C8orf34: variants seen among roughly 807,000 people sequenced by gnomAD.
C8orf34 encodes the protein chromosome 8 open reading frame 34, also known as uncharacterized protein C8orf34.
C8orf34 carries 65 observed loss-of-function variants against 68.3 expected under a neutral mutation model. The observed-to-expected ratio is 0.95, with a 90% CI of 0.78 to 1.17. The LOEUF is 1.17. Ranked by LOEUF, C8orf34 falls within the 50% of genes most tolerant of loss-of-function variation. C8orf34 has a pLI of 0.00. For missense variants in C8orf34, 664 were observed against 655.4 expected (o/e 1.01, Z -0.14); for synonymous variants, 244 against 241.2 (o/e 1.01, Z -0.11).
chr8:68,676,708 T>G (rs1820202140), intron 8 of C8orf34, among the ~76,000 whole-genome samples: 1 of 152,212 alleles, frequency 6.6e-6, no homozygotes, highest in African/African-American at 2.4e-5. Context: ...ATCAAGTATC[T>G]TCTCTGACTT....
intron 4 of C8orf34, among the ~76,000 whole-genome samples, chr8:68,483,509 A>G (rs1244078667): frequency 6.6e-6 from 1 of 152,184 alleles, no homozygotes; most frequent in East Asian, 1.9e-4. Context: ...GATATGTAGG[A>G]CAACTGAAGT....
intron 7 of C8orf34, among the ~76,000 whole-genome samples, chr8:68,636,411 T>TAAA (rs71253099): frequency 2.8e-5 from 4 of 141,904 alleles, no homozygotes; most frequent in Admixed American, 7.1e-5. Context: ...CTGCCTCTAC[T>TAAA]AAAAAAAAAA....
At chr8:68,361,778 G>A (rs1563377029) in intron 1 of C8orf34, among the ~76,000 whole-genome samples, 2 of 152,136 alleles carry the variant, frequency 1.3e-5, no homozygotes, top group Non-Finnish European at 2.9e-5. Flanking sequence ...ATTTAACTGA[G>A]TACTTGTTGG....
chr8:68,737,840 A>C (rs1822165685), intron 10 of C8orf34, among the ~76,000 whole-genome samples: 1 of 152,058 alleles, frequency 6.6e-6, no homozygotes, highest in African/African-American at 2.4e-5. Context: ...TCAACATTGC[A>C]CTGACAGTTG....
Position 68,393,103 on chromosome 8 carries a change from CTGAATAGGCTTTTTG to C in C8orf34, c.328-46389_328-46375del, listed in dbSNP as rs368862572. On this transcript the variant is annotated intron_variant, in intron 1 of 13. Transcript: ENST00000518698. ...CTTGTATTTGGTGAATTTCATAAAA[CTGAATAGGCTTTTTG>C]TGAATAACGTGAATTCAGGTGTAAG... 8.5e-3 allele frequency among the ~76,000 whole-genome samples: 1,289 copies of C among 152,212 alleles called. 7 individuals carry two copies. The highest frequency in any genetic ancestry group is 0.014 in the Middle Eastern group (4 of 294).
chr8:68,411,582 G>A (rs543631498), intron 1 of C8orf34, among the ~76,000 whole-genome samples: 1 of 152,276 alleles, frequency 6.6e-6, no homozygotes, highest in South Asian at 2.1e-4. Flanking sequence ...TTGGTACTAA[G>A]CAGATACTGT....
At position 68,502,342 on chromosome 8, in the gene C8orf34, T is replaced by G. The variant is rs567261850; in HGVS notation, c.765+14291T>G. Among the ~76,000 whole-genome samples the G allele has an allele frequency of 8.6e-4, 131 of 152,332 alleles. 1 individual carries two copies. Among genetic ancestry groups the G allele is most frequent in the African/African-American group, 3.0e-3 (124 of 41,566 alleles). ...TCTGGAGCAAGGAATATACAAAAAG[T>G]GCCTGAAATAGCTCTATCTTGTACC... is the stretch of plus-strand genomic sequence containing the variant. On this transcript the variant is annotated intron_variant, in intron 5 of 13. Transcript: ENST00000518698.
At chr8:68,783,589 A>G (rs7833119) in intron 11 of C8orf34, among the ~76,000 whole-genome samples, 5,489 of 151,810 alleles carry the variant, frequency 0.036, 310 homozygotes, top group African/African-American at 0.12. Context: ...CTTATCAGAA[A>G]CTCAAAAGAA....
At chr8:68,515,962 G>A (rs1814493634) in intron 5 of C8orf34, among the ~76,000 whole-genome samples, 1 of 152,196 alleles carries the variant, frequency 6.6e-6, no homozygotes, top group African/African-American at 2.4e-5. Flanking sequence ...AATTCAGTGT[G>A]TATATTGATG....
intron 12 of C8orf34, among the ~76,000 whole-genome samples, chr8:68,810,575 C>A (rs1338859026): frequency 6.6e-6 from 1 of 152,160 alleles, no homozygotes; most frequent in Non-Finnish European, 1.5e-5. Flanking sequence ...TGTGTTAAAG[C>A]TCTTTCAGTC....
At chr8:68,643,285 C>A (rs1819067070) in intron 8 of C8orf34, among the ~76,000 whole-genome samples, 1 of 152,106 alleles carries the variant, frequency 6.6e-6, no homozygotes, top group African/African-American at 2.4e-5. Flanking sequence ...TCTCTTTTTG[C>A]AAGTAAGGCA....
chr8:68,558,281 G>A (rs11984913), intron 7 of C8orf34, among the ~76,000 whole-genome samples: 31,793 of 151,986 alleles, frequency 0.21, 4,280 homozygotes, highest in African/African-American at 0.39. Context: ...TAGCATTGGA[G>A]AACGAACTAT....
intron 7 of C8orf34, among the ~76,000 whole-genome samples, chr8:68,637,108 T>C (rs533730232): frequency 2.0e-4 from 30 of 152,322 alleles, no homozygotes; most frequent in Non-Finnish European, 3.5e-4. Context: ...CAATGGTACA[T>C]ATACCACCAT....
At chr8:68,681,025 A>G (rs1585720725) in intron 8 of C8orf34, among the ~76,000 whole-genome samples, 1 of 152,086 alleles carries the variant, frequency 6.6e-6, no homozygotes, top group African/African-American at 2.4e-5. Flanking sequence ...CCCTACTTGC[A>G]TGTCCATTTA....
At chr8:68,558,145 A>AGTT (rs1816308641) in intron 7 of C8orf34, among the ~76,000 whole-genome samples, 1 of 152,184 alleles carries the variant, frequency 6.6e-6, no homozygotes, top group Non-Finnish European at 1.5e-5. Flanking sequence ...TATAGATAAA[A>AGTT]GTTATAGGAT....
Position 68,601,561 on chromosome 8 carries a change from T to G in C8orf34, c.1106-38815T>G, listed in dbSNP as rs533195010. Among the ~76,000 whole-genome samples, 497 of 152,264 alleles carry G rather than the reference T, an allele frequency of 3.3e-3. 5 individuals are homozygous for G. The highest frequency in any genetic ancestry group is 0.012 in the African/African-American group (479 of 41,570). On this transcript the variant is annotated intron_variant, in intron 7 of 13. Coordinates refer to ENST00000518698, the MANE Select transcript of C8orf34 (RefSeq NM_052958.4). ...TTTTCAGTTATTATATTTTTAACTT[T>G]TATAATTTGTGCTTGAGTCTCTTTT...
intron 10 of C8orf34, among the ~76,000 whole-genome samples, chr8:68,743,005 C>T (rs572468502): frequency 5.9e-5 from 9 of 152,280 alleles, no homozygotes; most frequent in East Asian, 1.9e-4. Context: ...GAAATTTTGA[C>T]GTTAACCAAT....
At chr8:68,812,595 T>C (rs759512540) in intron 12 of C8orf34, among the ~76,000 whole-genome samples, 1 of 152,164 alleles carries the variant, frequency 6.6e-6, no homozygotes, top group African/African-American at 2.4e-5. Context: ...CACTTCTACC[T>C]AATTATAAAA....
intron 4 of C8orf34, among the ~76,000 whole-genome samples, chr8:68,484,500 C>G (rs1167258911): frequency 6.6e-6 from 1 of 152,186 alleles, no homozygotes; most frequent in Admixed American, 6.5e-5. Context: ...TCCAACATAT[C>G]TTCGCAACCC....
Sources: gnomAD v4.1 joint callset for allele counts (sites outside exome capture counted in the v4.1 genomes callset) on GRCh38, gnomAD v4.1.1 for gene constraint, MANE v1.5 for transcripts, NCBI Gene and HGNC (gene_info 2026-07-23, HGNC 2026-07-21) for gene names.